COL26A1: variants seen among roughly 807,000 people sequenced by gnomAD.
COL26A1 encodes the protein collagen type XXVI alpha 1 chain, also known as collagen alpha-1(XXVI) chain.
Under a neutral mutation model 59.3 loss-of-function variants are expected in COL26A1, and 41 were observed. That is an observed-to-expected ratio of 0.69 (90% confidence interval 0.54 to 0.90). The LOEUF is 0.90. Among genes scored for constraint, COL26A1 ranks in the 40% least tolerant of loss-of-function variants. The pLI, the probability that COL26A1 is intolerant of heterozygous loss-of-function variation, is 0.00. For synonymous variants in COL26A1, 266 were observed against 256.0 expected, an observed-to-expected ratio of 1.04 and a Z score of -0.37; for missense variants, 612 against 602.3, an observed-to-expected ratio of 1.02 and a Z score of -0.17.
intron 3 of COL26A1, among the ~76,000 whole-genome samples, chr7:101,478,581 T>C (rs1794097558): frequency 6.6e-6 from 1 of 152,222 alleles, no homozygotes; most frequent in Admixed American, 6.5e-5. Context: ...TACTTACCAC[T>C]AAGATTTAAC....
chr7:101,428,661 G>A (rs187750718), intron 2 of COL26A1, among the ~76,000 whole-genome samples: 1 of 152,116 alleles, frequency 6.6e-6, no homozygotes, highest in African/African-American at 2.4e-5. Context: ...GCAGTCTTTT[G>A]TGGTCGTGTG....
intron 3 of COL26A1, among the ~76,000 whole-genome samples, chr7:101,461,008 G>T (rs913824023): frequency 1.3e-5 from 2 of 151,972 alleles, no homozygotes; most frequent in Admixed American, 6.6e-5. Flanking sequence ...TTGAAACAGG[G>T]TCTTGCTCTG....
At chr7:101,384,645 A>G (rs1791525760) in intron 1 of COL26A1, among the ~76,000 whole-genome samples, 1 of 152,190 alleles carries the variant, frequency 6.6e-6, no homozygotes, top group Admixed American at 6.6e-5. Context: ...TAGTCTTCCA[A>G]TGTGTGTGTA....
chr7:101,484,810 G>A (rs1794233667), intron 3 of COL26A1, among the ~76,000 whole-genome samples: 1 of 151,522 alleles, frequency 6.6e-6, no homozygotes, highest in South Asian at 2.1e-4. Context: ...TTACAGGTAT[G>A]TGCCACCATG....
intron 10 of COL26A1, among the ~76,000 whole-genome samples, chr7:101,551,446 C>T (rs890897198): frequency 6.6e-6 from 1 of 152,176 alleles, no homozygotes; most frequent in African/African-American, 2.4e-5. Flanking sequence ...GTTAACATGC[C>T]GTGTGACCTG....
chr7:101,467,673 C>T (rs998130701), intron 3 of COL26A1, among the ~76,000 whole-genome samples: 7 of 152,052 alleles, frequency 4.6e-5, no homozygotes, highest in African/African-American at 1.7e-4. Flanking sequence ...CAAGACCATC[C>T]TGGCTAACAC....
At chr7:101,499,840 A>G (rs1443304830) in intron 3 of COL26A1, among the ~76,000 whole-genome samples, 6 of 150,458 alleles carry the variant, frequency 4.0e-5, no homozygotes, top group Admixed American at 6.7e-5. Flanking sequence ...TGTTCACATC[A>G]CTGCACTCCA....
chr7:101,441,390 C>T (rs1194803854), intron 2 of COL26A1, among the ~76,000 whole-genome samples: 1 of 152,188 alleles, frequency 6.6e-6, no homozygotes, highest in Non-Finnish European at 1.5e-5. Flanking sequence ...CAGCTCACTT[C>T]TATCTGTGTC....
intron 3 of COL26A1, among the ~76,000 whole-genome samples, chr7:101,531,279 T>C (rs1403138283): frequency 1.3e-5 from 2 of 152,228 alleles, no homozygotes; most frequent in Non-Finnish European, 2.9e-5. Context: ...CCTACCTTTT[T>C]ATTTCTTTAT....
intron 2 of COL26A1, among the ~76,000 whole-genome samples, chr7:101,425,620 C>A (rs532907805): frequency 6.6e-6 from 1 of 151,652 alleles, no homozygotes; most frequent in South Asian, 2.1e-4. Context: ...CCTCAGCCTC[C>A]CAAGTAGCTG....
At chr7:101,519,753 A>C in intron 3 of COL26A1, among the ~76,000 whole-genome samples, 1 of 152,150 alleles carries the variant, frequency 6.6e-6, no homozygotes, top group Non-Finnish European at 1.5e-5. Flanking sequence ...CGTCATTCTG[A>C]GTCAGTAACT....
intron 3 of COL26A1, among the ~76,000 whole-genome samples, chr7:101,519,818 G>A (rs1414563816): frequency 1.3e-5 from 2 of 152,166 alleles, no homozygotes; most frequent in African/African-American, 4.8e-5. Context: ...CTCTCTCCTC[G>A]GGAAAAGGAG....
chr7:101,557,628 C>T lies in COL26A1; in HGVS notation c.*98C>T, dbSNP rs1271628411. The T allele has an allele frequency of 8.0e-7, 1 of 1,245,414 alleles. No homozygotes were observed. Among genetic ancestry groups the T allele is most frequent in the Non-Finnish European group, 1.1e-6 (1 of 908,700 alleles). The allele number at this position is 1,245,414 out of a possible 1,614,324, so 77.1% of individuals were successfully genotyped here. A position where few individuals can be genotyped will look rare whatever the true frequency, so the allele number is the denominator to read the frequency against. ...TAAAGATGCCCCCAGGGGAACTGGGCTCCAGGCATGGATGATTGTGAGGAC... is the reference window on the plus strand; with the variant it reads ...TAAAGATGCCCCCAGGGGAACTGGGTTCCAGGCATGGATGATTGTGAGGAC... On this transcript the variant is annotated 3_prime_UTR_variant, in exon 13 of 13. Coordinates refer to ENST00000313669, the MANE Select transcript of COL26A1 (RefSeq NM_001278563.3).
In COL26A1 at chr7:101,454,540, T is replaced by A. The variant is rs559262600; in HGVS notation, c.385+6753T>A. 2.6e-5 allele frequency among the ~76,000 whole-genome samples: 4 copies of A among 152,170 alleles called. No individual in the cohort carries two copies. The East Asian group carries it at 5.8e-4, about 22-fold the overall frequency. On this transcript the variant is annotated intron_variant, in intron 3 of 12. Transcript: ENST00000313669. ...TCCCAAAGTGCTGGGATTACAGGGG[T>A]GAGCCACCGCACCCGGCCAAGTGTC...
chr7:101,448,289 G>T (rs529638058), intron 3 of COL26A1, among the ~76,000 whole-genome samples: 1 of 152,274 alleles, frequency 6.6e-6, no homozygotes, highest in East Asian at 1.9e-4. Context: ...TAGCCCGGGG[G>T]CCTGGGCTCA....
At chr7:101,423,126 G>A (rs1169782879) in intron 2 of COL26A1, among the ~76,000 whole-genome samples, 1 of 152,138 alleles carries the variant, frequency 6.6e-6, no homozygotes, top group East Asian at 1.9e-4. Flanking sequence ...TTAGCCAGGT[G>A]TGGTGGTGAG....
At chr7:101,512,841 T>C (rs1794954514) in intron 3 of COL26A1, among the ~76,000 whole-genome samples, 2 of 152,108 alleles carry the variant, frequency 1.3e-5, no homozygotes, top group African/African-American at 4.8e-5. Context: ...GATTAGAAGA[T>C]AATAGAGTTT....
In COL26A1 at chr7:101,446,046, CAAAAA is replaced by C. The variant is rs60343304; in HGVS notation, c.282-1618_282-1614del. Among the ~76,000 whole-genome samples, 18 of 51,002 alleles carry C rather than the reference CAAAAA, an allele frequency of 3.5e-4. No homozygotes were observed. In the South Asian group the frequency reaches 0.015, roughly 42 times the overall value. 33.5% of individuals were successfully genotyped at this position (51,002 alleles called of 152,430 possible). On this transcript the variant is annotated intron_variant, in intron 2 of 12. Coordinates refer to ENST00000313669, the MANE Select transcript of COL26A1 (RefSeq NM_001278563.3). Reference sequence around the variant, plus strand: ...CTGATGACAGAGCAAGACTCCGTCTCAAAAAAAAAAAAAAAAAAAAAAAAGACAGT... The same window carrying C: ...CTGATGACAGAGCAAGACTCCGTCTCAAAAAAAAAAAAAAAAAAAGACAGT...
At position 101,456,440 on chromosome 7, in the gene COL26A1, G is replaced by A. The variant is rs557439847; in HGVS notation, c.385+8653G>A. On this transcript the variant is annotated intron_variant, in intron 3 of 12. Coordinates refer to ENST00000313669, the MANE Select transcript of COL26A1 (RefSeq NM_001278563.3). ...CTGTAATCCCAGCACTTTGGGAGGT[G>A]GATCACCTGAGGTCGGGAGTTCGAG... Among the ~76,000 whole-genome samples the A allele has an allele frequency of 3.7e-3, 560 of 151,974 alleles. 4 individuals carry two copies. Among genetic ancestry groups the A allele is most frequent in the Admixed American group, 5.2e-3 (79 of 15,242 alleles).
Sources: gnomAD v4.1 joint callset for allele counts (sites outside exome capture counted in the v4.1 genomes callset) on GRCh38, gnomAD v4.1.1 for gene constraint, MANE v1.5 for transcripts, NCBI Gene and HGNC (gene_info 2026-07-23, HGNC 2026-07-21) for gene names.